Variants in MIX23 observed in about 807,000 individuals in gnomAD.
MIX23 encodes mitochondrial matrix import factor 23, also known as protein MIX23.
MIX23 carries 13 observed loss-of-function variants against 21.6 expected under a neutral mutation model. The ratio of observed to expected loss-of-function variants is 0.60; its 90% CI spans 0.39 to 0.96. MIX23 has a LOEUF of 0.96. Ranked by LOEUF, MIX23 falls within the 40% of genes least tolerant of loss-of-function variation. The pLI is 0.00. For missense variants in MIX23, 144 were observed against 171.2 expected, an observed-to-expected ratio of 0.84 and a Z score of 0.89; for synonymous variants, 59 against 58.0, an observed-to-expected ratio of 1.02 and a Z score of -0.08.
chr3:122,362,730 TCGCCTGGCCCTGTAAAG>T (rs1466227841), intron 4 of MIX23, among the ~76,000 whole-genome samples: 5 of 152,074 alleles, frequency 3.3e-5, no homozygotes, highest in Non-Finnish European at 7.4e-5. Context: ...GTGAGCCACC[TCGCCTGGCCCTGTAAAG>T]CTAATCGTTA....
At chr3:122,378,797 A>C (rs1172358300) in intron 1 of MIX23, among the ~76,000 whole-genome samples, 2 of 152,236 alleles carry the variant, frequency 1.3e-5, no homozygotes, top group Non-Finnish European at 2.9e-5. Flanking sequence ...GAGAATTATC[A>C]ATATATGATC....
At chr3:122,367,986 G>A (rs2075409528) in intron 3 of MIX23, 190 bp downstream of exon 3, 2 of 580,458 alleles carry the variant, frequency 3.4e-6, no homozygotes, top group Admixed American at 3.1e-5. Context: ...TTCAAGAAGT[G>A]CACATTAATT....
intron 2 of MIX23, among the ~76,000 whole-genome samples, chr3:122,370,746 T>C (rs1229713343): frequency 6.6e-6 from 1 of 152,184 alleles, no homozygotes; most frequent in Non-Finnish European, 1.5e-5. Context: ...AACAACCTCA[T>C]AGCCAATTAG....
intron 2 of MIX23, among the ~76,000 whole-genome samples, chr3:122,369,056 T>C (rs141413014): frequency 3.9e-4 from 59 of 152,334 alleles, no homozygotes; most frequent in African/African-American, 1.3e-3. Flanking sequence ...TAAAGTATCA[T>C]GGTCATGTTT....
In MIX23 at chr3:122,377,285, T is replaced by C. The variant is rs760388637; in HGVS notation, c.52-5485A>G. On this transcript the variant is annotated intron_variant, in intron 1 of 4. Coordinates refer to ENST00000291458, the MANE Select transcript of MIX23 (RefSeq NM_001017928.4). Reference sequence around the variant, plus strand: ...GTTTTGGACTTGTTAACGTTTGAGATGCCTATTAGATATCTGAGTAGAAGA... The same window carrying C: ...GTTTTGGACTTGTTAACGTTTGAGACGCCTATTAGATATCTGAGTAGAAGA... Among the ~76,000 whole-genome samples the C allele has an allele frequency of 9.0e-4, 137 of 152,204 alleles. 3 individuals carry two copies. The highest frequency in any genetic ancestry group is 2.1e-4 in the Non-Finnish European group (14 of 68,036).
intron 1 of MIX23, among the ~76,000 whole-genome samples, chr3:122,381,177 T>C (rs2075528295): frequency 6.6e-6 from 1 of 152,168 alleles, no homozygotes; most frequent in Admixed American, 6.5e-5. Context: ...TTCTTTTTTC[T>C]TCCCAATATT....
chr3:122,370,763 G>C (rs2075435450), intron 2 of MIX23, among the ~76,000 whole-genome samples: 1 of 152,132 alleles, frequency 6.6e-6, no homozygotes, highest in Non-Finnish European at 1.5e-5. Context: ...TTAGGACTAG[G>C]TCCCATCCTG....
intron 3 of MIX23, among the ~76,000 whole-genome samples, chr3:122,367,608 AAG>A (rs1272466571): frequency 6.6e-5 from 10 of 152,356 alleles, no homozygotes; most frequent in African/African-American, 2.2e-4. Flanking sequence ...GAAAAAGCCA[AAG>A]ATCCCTAGCA....
chr3:122,362,898 CT>C (rs1559988677), intron 4 of MIX23, 69 bp downstream of exon 4: 1 of 1,265,834 alleles, frequency 7.9e-7, no homozygotes, highest in African/African-American at 1.5e-5. Context: ...TTTACTCCCC[CT>C]CCCTTGGTTT....
At chr3:122,373,926 A>G (rs1161507121) in intron 1 of MIX23, among the ~76,000 whole-genome samples, 2 of 151,954 alleles carry the variant, frequency 1.3e-5, no homozygotes, top group South Asian at 2.1e-4. Flanking sequence ...ATTCTTAAGG[A>G]ATAATCTCAA....
intron 2 of MIX23, among the ~76,000 whole-genome samples, chr3:122,371,387 T>C (rs1211477733): frequency 1.3e-5 from 2 of 152,258 alleles, no homozygotes; most frequent in Non-Finnish European, 2.9e-5. Flanking sequence ...TTCACTCTCC[T>C]CCTTTCATTC....
At chr3:122,381,228 T>C (rs1428423373) in intron 1 of MIX23, among the ~76,000 whole-genome samples, 4 of 152,190 alleles carry the variant, frequency 2.6e-5, no homozygotes, top group African/African-American at 9.7e-5. Flanking sequence ...GTTCCTTGTT[T>C]TATACTCCAT....
At chr3:122,377,254 A>C (rs1326192012) in intron 1 of MIX23, among the ~76,000 whole-genome samples, 1 of 152,068 alleles carries the variant, frequency 6.6e-6, no homozygotes, top group Non-Finnish European at 1.5e-5. Flanking sequence ...CAAAAAACAA[A>C]GCTCTGTTTT....
chr3:122,360,762 T>C (rs754597712), intron 4 of MIX23, among the ~76,000 whole-genome samples: 4 of 152,260 alleles, frequency 2.6e-5, no homozygotes, highest in African/African-American at 4.8e-5. Flanking sequence ...AAACTACCTA[T>C]GTTGGCTGCC....
chr3:122,362,735 T>TGGCCCTGTAAAGCTAATC (rs1389385330), intron 4 of MIX23, among the ~76,000 whole-genome samples: 2 of 152,170 alleles, frequency 1.3e-5, no homozygotes, highest in African/African-American at 2.4e-5. Flanking sequence ...CCACCTCGCC[T>TGGCCCTGTAAAGCTAATC]GGCCCTGTAA....
chr3:122,369,907 G>A (rs1247012869), intron 2 of MIX23, among the ~76,000 whole-genome samples: 5 of 152,038 alleles, frequency 3.3e-5, no homozygotes, highest in Non-Finnish European at 4.4e-5. Flanking sequence ...ACACCACTAC[G>A]TCCAGCTAAT....
chr3:122,373,064 TTAC>T (rs1197008427), intron 1 of MIX23: 2 of 383,130 alleles, frequency 5.2e-6, no homozygotes, highest in African/African-American at 2.1e-5. Flanking sequence ...ATTATTATTA[TTAC>T]TTTCATTTTA....
intron 1 of MIX23, among the ~76,000 whole-genome samples, chr3:122,378,641 T>C (rs1228572858): frequency 6.6e-6 from 1 of 152,254 alleles, no homozygotes; most frequent in African/African-American, 2.4e-5. Context: ...GATACTTGTG[T>C]ATCTAAATAT....
chr3:122,370,651 T>C (rs1411119637), intron 2 of MIX23, among the ~76,000 whole-genome samples: 1 of 151,864 alleles, frequency 6.6e-6, no homozygotes, highest in Non-Finnish European at 1.5e-5. Flanking sequence ...ATTATATGAG[T>C]AGTGAGGTGA....
Sources: gnomAD v4.1 joint callset for allele counts (sites outside exome capture counted in the v4.1 genomes callset) on GRCh38, gnomAD v4.1.1 for gene constraint, MANE v1.5 for transcripts, NCBI Gene and HGNC (gene_info 2026-07-23, HGNC 2026-07-21) for gene names.